The following PCDHGB3 variants were observed in gnomAD, a reference collection of about 807,000 sequenced individuals.
PCDHGB3 encodes the protein protocadherin gamma-B3.
A neutral mutation model predicts 59.2 loss-of-function variants in PCDHGB3; 40 were observed. The ratio of observed to expected loss-of-function variants is 0.68; its 90% CI spans 0.52 to 0.88. The LOEUF is 0.88. PCDHGB3 is among the 40% of genes least tolerant of loss of function. The pLI, the probability that PCDHGB3 is intolerant of heterozygous loss-of-function variation, is 0.00. For synonymous variants in PCDHGB3, 581 were observed against 503.6 expected (o/e 1.15, Z -2.06); for missense variants, 1,309 against 1,187.9 (o/e 1.10, Z -1.50).
At chr5:141,508,535 C>CA (rs1426956469) in intron 3 of PCDHGB3, among the ~76,000 whole-genome samples, 1 of 152,172 alleles carries the variant, frequency 6.6e-6, no homozygotes, top group Admixed American at 6.5e-5. Flanking sequence ...GGGCACCCCC[C>CA]ACGAGGTGGG....
chr5:141,432,800 C>T lies in PCDHGB3; in HGVS notation c.2415+59991C>T. The T allele has an allele frequency of 6.2e-7, 1 of 1,614,156 alleles. No individual in the cohort carries two copies. The highest frequency in any genetic ancestry group is 8.5e-7 in the Non-Finnish European group (1 of 1,180,008). ...GGCGGACCTCGGCAGCCTCGAGTCT[C>T]CAGCTAACTCTGAAACCTCAGACCT... On this transcript the variant is annotated intron_variant, in intron 1 of 3. Transcript: ENST00000576222. This position sits in a 1 kb window ranked among gnomAD's most constrained non-coding sequence, Gnocchi z 6.0.
At chr5:141,483,670 A>G (rs1158511173) in intron 1 of PCDHGB3, among the ~76,000 whole-genome samples, 1 of 138,404 alleles carries the variant, frequency 7.2e-6, no homozygotes, top group African/African-American at 3.1e-5. Context: ...GTGTGTGTGT[A>G]AAAGAACACA....
chr5:141,399,071 T>C (rs2093748237), intron 1 of PCDHGB3: 1 of 1,613,808 alleles, frequency 6.2e-7, no homozygotes. Flanking sequence ...TCAATGGTTG[T>C]AGAAGGGAGG....
intron 1 of PCDHGB3, chr5:141,379,314 G>T (rs557036464): frequency 6.6e-6 from 1 of 152,242 alleles, no homozygotes; most frequent in South Asian, 2.1e-4. Context: ...CTAAACAAGA[G>T]ATCTAATCAT....
intron 1 of PCDHGB3, chr5:141,420,342 T>C: frequency 7.2e-7 from 1 of 1,388,390 alleles, no homozygotes; most frequent in Non-Finnish European, 9.6e-7. Flanking sequence ...AATATAGTGG[T>C]ATTATTTTAA....
At position 141,492,010 on chromosome 5, in the gene PCDHGB3, G is replaced by A. The variant is rs2099736138; in HGVS notation, c.2416-2797G>A. 2 of 617,370 alleles carry A rather than the reference G, an allele frequency of 3.2e-6. 1 individual carries two copies. Among genetic ancestry groups the A allele is most frequent in the Middle Eastern group, 8.7e-4 (2 of 2,312 alleles). The allele number at this position is 617,370 out of a possible 1,614,324, so 38.2% of individuals were successfully genotyped here. On this transcript the variant is annotated intron_variant, in intron 1 of 3. Transcript: ENST00000576222. Reference sequence around the variant, plus strand: ...GGTGAATTTCGGGCGATTTCCGCGGGTGTCGGGGGTCCCGGGAGGAGGCAG... The same window carrying A: ...GGTGAATTTCGGGCGATTTCCGCGGATGTCGGGGGTCCCGGGAGGAGGCAG...
rs771408685 is a variant in PCDHGB3, at chr5:141,486,166, G to T, written c.2416-8641G>T. ...GCGATGGGGGTTCTCCAGCCATGGA[G>T]CAACATTGCAGCCTTCGAGTGGATC... is the stretch of plus-strand genomic sequence containing the variant. On this transcript the variant is annotated intron_variant, in intron 1 of 3. Transcript: ENST00000576222. The surrounding 1 kb of genome is among the most constrained non-coding windows in gnomAD (Gnocchi z 5.0). 1.9e-6 allele frequency: 3 copies of T among 1,614,106 alleles called. No homozygotes were observed. Among genetic ancestry groups the T allele is most frequent in the Non-Finnish European group, 2.5e-6 (3 of 1,180,048 alleles).
At chr5:141,466,213 C>G (rs2099118871) in intron 1 of PCDHGB3, among the ~76,000 whole-genome samples, 1 of 151,958 alleles carries the variant, frequency 6.6e-6, no homozygotes, top group South Asian at 2.1e-4. Flanking sequence ...CTCTGTTACC[C>G]AGGCTGGAGT....
Position 141,491,245 on chromosome 5 carries a change from G to A in PCDHGB3, c.2416-3562G>A, listed in dbSNP as rs1171588507. ...CACAGTGCTGCTGGTTCTGGAGGATGAGGACCCTGAGGAAATGCCCAAATC... is the reference window on the plus strand; with the variant it reads ...CACAGTGCTGCTGGTTCTGGAGGATAAGGACCCTGAGGAAATGCCCAAATC... On this transcript the variant is annotated intron_variant, in intron 1 of 3. Transcript: ENST00000576222. The surrounding 1 kb of genome is among the most constrained non-coding windows in gnomAD (Gnocchi z 6.9). 2 of 1,614,086 alleles carry A rather than the reference G, an allele frequency of 1.2e-6. No individual in the cohort carries two copies. Among genetic ancestry groups the A allele is most frequent in the East Asian group, 4.5e-5 (2 of 44,888 alleles).
chr5:141,510,229 C>T (rs904367594), intron 3 of PCDHGB3, among the ~76,000 whole-genome samples: 3 of 150,486 alleles, frequency 2.0e-5, no homozygotes, highest in African/African-American at 7.4e-5. Context: ...GCCGGGATCG[C>T]GCCACTGCAC....
intron 3 of PCDHGB3, 46 bp from the exon 4 acceptor site, chr5:141,510,901 A>G: frequency 1.9e-6 from 3 of 1,613,412 alleles, no homozygotes; most frequent in African/African-American, 2.7e-5. Flanking sequence ...GTGACTGTTG[A>G]GGACCCTAAG....
intron 1 of PCDHGB3, among the ~76,000 whole-genome samples, chr5:141,465,279 C>T (rs975247599): frequency 3.3e-5 from 5 of 152,028 alleles, no homozygotes; most frequent in South Asian, 2.1e-4. Flanking sequence ...TTTAGTTCAC[C>T]CCTAAAGAAC....
intron 1 of PCDHGB3, chr5:141,419,502 T>C: frequency 6.2e-7 from 1 of 1,612,388 alleles, no homozygotes; most frequent in Admixed American, 1.7e-5. Context: ...AATGTGAGCC[T>C]GCGCGTGTTG....
intron 1 of PCDHGB3, chr5:141,393,531 C>G (rs997965420): frequency 6.2e-7 from 1 of 1,614,008 alleles, no homozygotes; most frequent in Non-Finnish European, 8.5e-7. Context: ...TGACAATGCC[C>G]CGGTTTTTCC....
Position 141,431,354 on chromosome 5 carries a change from G to A in PCDHGB3, c.2415+58545G>A, listed in dbSNP as rs777198567. On this transcript the variant is annotated intron_variant, in intron 1 of 3. Coordinates refer to ENST00000576222, the MANE Select transcript of PCDHGB3 (RefSeq NM_018924.5). This position sits in a 1 kb window ranked among gnomAD's most constrained non-coding sequence, Gnocchi z 4.8. ...GTACCCCGAATTGGTGCTGAAACGC[G>A]CCCTGGACCGCGAAGAAAAGGCTGC... is the stretch of plus-strand genomic sequence containing the variant. 1 of 1,614,036 alleles carries A rather than the reference G, an allele frequency of 6.2e-7. No homozygotes were observed. Among genetic ancestry groups the A allele is most frequent in the South Asian group, 1.1e-5 (1 of 91,086 alleles).
At chr5:141,390,266 A>C in intron 1 of PCDHGB3, 2 of 1,614,010 alleles carry the variant, frequency 1.2e-6, no homozygotes, top group East Asian at 4.5e-5. Context: ...ATTCCAGTGA[A>C]TTGACTTCCC....
intron 1 of PCDHGB3, chr5:141,415,755 T>TTTG: frequency 1.4e-6 from 2 of 1,387,632 alleles, no homozygotes; most frequent in Middle Eastern, 2.6e-4. Context: ...TTTTTTTTTT[T>TTTG]TTTTTTTTTT....
At chr5:141,420,245 G>A (rs72790042) in intron 1 of PCDHGB3, 83,459 of 1,583,130 alleles carry the variant, frequency 0.053, 2,452 homozygotes, top group African/African-American at 0.1. Context: ...AACTCCCAGC[G>A]TTGAAGCAGA....
chr5:141,430,383 G>GAAA (rs139772145), intron 1 of PCDHGB3, among the ~76,000 whole-genome samples: 2 of 138,566 alleles, frequency 1.4e-5, no homozygotes, highest in South Asian at 4.6e-4. Flanking sequence ...AGCTCATTGG[G>GAAA]AAAAAAAAAA....
Sources: allele counts gnomAD v4.1 joint callset (sites outside exome capture counted in the v4.1 genomes callset), GRCh38; gene constraint gnomAD v4.1.1; non-coding constraint Gnocchi (gnomAD v3.1); transcripts MANE v1.5; gene names NCBI Gene and HGNC (gene_info 2026-07-23, HGNC 2026-07-21).